KATNB1: variants seen among roughly 807,000 people sequenced by gnomAD.
KATNB1 encodes katanin regulatory subunit B1, also known as katanin p80 WD40 repeat-containing subunit B1.
KATNB1 carries 38 observed loss-of-function variants against 82.3 expected under a neutral mutation model. That is an observed-to-expected ratio of 0.46 (90% CI 0.36 to 0.61). The LOEUF is 0.61. Among genes scored for constraint, KATNB1 ranks in the 20% least tolerant of loss-of-function variants. The pLI, the probability that KATNB1 is intolerant of heterozygous loss-of-function variation, is 0.00. For missense variants in KATNB1, 749 were observed against 915.7 expected (o/e 0.82, Z 2.35); for synonymous variants, 361 against 368.7 (o/e 0.98, Z 0.24).
At chr16:57,741,190 C>A (rs2049139158) in intron 2 of KATNB1, among the ~76,000 whole-genome samples, 1 of 152,210 alleles carries the variant, frequency 6.6e-6, no homozygotes, top group African/African-American at 2.4e-5. Context: ...AAAGTGTGTT[C>A]TCCAAAGCAG....
intron 4 of KATNB1, among the ~76,000 whole-genome samples, chr16:57,749,160 T>A (rs1402414587): frequency 1.3e-5 from 2 of 152,246 alleles, no homozygotes; most frequent in African/African-American, 2.4e-5. Context: ...AAGGCCCAGC[T>A]TGCGGGACAG....
chr16:57,756,098 C>A, intron 18 of KATNB1, 32 bp downstream of exon 18: 2 of 1,598,436 alleles, frequency 1.3e-6, no homozygotes, highest in Non-Finnish European at 1.7e-6. Flanking sequence ...CTGCCTGAAG[C>A]AGGGGGAGGG....
At chr16:57,754,317 G>A (rs1555584862) in intron 13 of KATNB1, among the ~76,000 whole-genome samples, 2 of 152,190 alleles carry the variant, frequency 1.3e-5, no homozygotes, top group African/African-American at 2.4e-5. Flanking sequence ...GGGGTCTGCT[G>A]TAGACGGGAT....
intron 2 of KATNB1, among the ~76,000 whole-genome samples, chr16:57,737,944 A>G (rs1278085279): frequency 2.6e-5 from 4 of 152,238 alleles, no homozygotes; most frequent in African/African-American, 7.2e-5. Flanking sequence ...AAACAAGAGT[A>G]TATAATCAAA....
intron 15 of KATNB1, 29 bp from the exon 16 acceptor site, chr16:57,755,316 G>A: frequency 6.2e-7 from 1 of 1,611,898 alleles, no homozygotes; most frequent in South Asian, 1.1e-5. Flanking sequence ...CTCCTCCCAT[G>A]CCAGCATCTG....
rs78458298 is a variant in KATNB1 at position 57,752,958 on chromosome 16, C to G, written c.855+30C>G. 4,080 of 1,598,596 alleles carry G rather than the reference C, an allele frequency of 2.6e-3. 88 individuals carry two copies. The African/African-American group carries it at 0.047, about 18-fold the overall frequency. On this transcript the variant is annotated intron_variant, in intron 10 of 19. Coordinates refer to ENST00000379661, the MANE Select transcript of KATNB1 (RefSeq NM_005886.3). The stretch of plus-strand genomic sequence containing the variant: ...GAGAGCCATGGCACCCACCGCCCCC[C>G]ACTCCCACAGGGCCACCCGCCTCCC...
intron 2 of KATNB1, among the ~76,000 whole-genome samples, chr16:57,738,979 T>G: frequency 6.7e-6 from 1 of 149,288 alleles, no homozygotes. Flanking sequence ...AGGGGTGGGG[T>G]GGGAATGCTG....
chr16:57,740,997 G>T (rs1405651083), intron 2 of KATNB1, among the ~76,000 whole-genome samples: 1 of 152,216 alleles, frequency 6.6e-6, no homozygotes, highest in Non-Finnish European at 1.5e-5. Context: ...GACACCACGG[G>T]CATCCCCACT....
intron 19 of KATNB1, 87 bp from the exon 20 acceptor site, chr16:57,756,727 T>G: frequency 6.9e-7 from 1 of 1,453,456 alleles, no homozygotes; most frequent in South Asian, 1.5e-5. Context: ...GAGGAAGGGC[T>G]GGAGCAGTTA....
intron 9 of KATNB1, 51 bp from the exon 10 acceptor site, chr16:57,752,727 G>T: frequency 6.3e-7 from 1 of 1,589,674 alleles, no homozygotes; most frequent in East Asian, 2.3e-5. Context: ...CCTCGGGGTG[G>T]GGACCAGGCT....
rs782619344 is a variant in KATNB1 at position 57,741,836 on chromosome 16, C to CG, written c.171+25dup. 25 of 1,606,808 alleles carry CG rather than the reference C, an allele frequency of 1.6e-5. No individual in the cohort carries two copies. The South Asian group carries it at 2.2e-4, about 14-fold the overall frequency. ...CATCATGGTGAGCCCCGACAGCTGG[C>CG]GGGGGGTCAGGACAAGGGCCTGGGG... On this transcript the variant is annotated intron_variant, in intron 3 of 19. Coordinates refer to ENST00000379661, the MANE Select transcript of KATNB1 (RefSeq NM_005886.3).
intron 4 of KATNB1, among the ~76,000 whole-genome samples, chr16:57,748,563 A>G (rs920010272): frequency 6.6e-6 from 1 of 151,046 alleles, no homozygotes; most frequent in East Asian, 2.0e-4. Context: ...TAGGCTGAGG[A>G]GGTGCTCAGC....
At chr16:57,756,539 C>T in intron 19 of KATNB1, 67 bp downstream of exon 19, 1 of 1,390,390 alleles carries the variant, frequency 7.2e-7, no homozygotes, top group South Asian at 1.2e-5. Flanking sequence ...GCCTGGAGGC[C>T]TGGGCCCCTC....
chr16:57,757,168 C>T lies in KATNB1; in HGVS notation c.*222C>T, dbSNP rs149864357. The stretch of plus-strand genomic sequence containing the variant: ...GCTGCCCAGCTTTGCCCAACTGTTG[C>T]TTCTTGGGGCAGCGAACTGAGCCCT... On this transcript the variant is annotated 3_prime_UTR_variant, in exon 20 of 20. Coordinates refer to ENST00000379661, the MANE Select transcript of KATNB1 (RefSeq NM_005886.3). 4.9e-3 allele frequency: 2,041 copies of T among 419,966 alleles called. 7 individuals are homozygous for T. Among genetic ancestry groups the T allele is most frequent in the South Asian group, 0.018 (171 of 9,650 alleles). The allele number at this position is 419,966 out of a possible 1,614,324, so 26.0% of individuals were successfully genotyped here.
chr16:57,737,686 A>G (rs1260186314), intron 2 of KATNB1, among the ~76,000 whole-genome samples: 1 of 152,084 alleles, frequency 6.6e-6, no homozygotes, highest in African/African-American at 2.4e-5. Flanking sequence ...AGATAAAAGC[A>G]TCTTGGGCCT....
At chr16:57,755,559 G>A in intron 16 of KATNB1, 65 bp downstream of exon 16, 1 of 1,574,198 alleles carries the variant, frequency 6.4e-7, no homozygotes, top group Admixed American at 1.7e-5. Context: ...GCCTGCCCGG[G>A]CTTGGGGCAG....
At chr16:57,752,695 C>T in intron 9 of KATNB1, 83 bp from the exon 10 acceptor site, 1 of 1,560,900 alleles carries the variant, frequency 6.4e-7, no homozygotes, top group Admixed American at 1.9e-5. Flanking sequence ...CTGCGCCCTC[C>T]CTGCCCTGGG....
chr16:57,740,202 G>T (rs782390548), intron 2 of KATNB1, among the ~76,000 whole-genome samples: 3 of 152,188 alleles, frequency 2.0e-5, no homozygotes, highest in Admixed American at 1.3e-4. Context: ...TCCCCATGGC[G>T]AACTCCCAGC....
chr16:57,747,588 T>A (rs998182933), intron 4 of KATNB1, among the ~76,000 whole-genome samples: 1 of 152,212 alleles, frequency 6.6e-6, no homozygotes, highest in African/African-American at 2.4e-5. Flanking sequence ...CGGCACGTGA[T>A]CGCACTGCCT....
Sources: allele counts gnomAD v4.1 joint callset (sites outside exome capture counted in the v4.1 genomes callset), GRCh38; gene constraint gnomAD v4.1.1; transcripts MANE v1.5; gene names NCBI Gene and HGNC (gene_info 2026-07-23, HGNC 2026-07-21).